The following DOCK4 variants were observed in gnomAD, a reference collection of about 807,000 sequenced individuals.
DOCK4 encodes the protein dedicator of cytokinesis protein 4.
A neutral mutation model predicts 268.1 loss-of-function variants in DOCK4; 97 were observed. That is an observed-to-expected ratio of 0.36 (90% CI 0.31 to 0.43). DOCK4 has a LOEUF of 0.43. DOCK4 is among the 20% of genes least tolerant of loss of function. DOCK4 has a pLI of 1.00. For synonymous variants in DOCK4, 954 were observed against 887.2 expected (o/e 1.08, Z -1.34); for missense variants, 2,145 against 2,455.7 (o/e 0.87, Z 2.67).
Position 112,091,440 on chromosome 7 carries a change from T to C in DOCK4, c.38-87309A>G, listed in dbSNP as rs375066713. 3.9e-5 allele frequency among the ~76,000 whole-genome samples: 6 copies of C among 152,264 alleles called. No individual in the cohort carries two copies. In the East Asian group the frequency reaches 1.2e-3, roughly 29 times the overall value. On this transcript the variant is annotated intron_variant, in intron 1 of 52. Coordinates refer to ENST00000428084, the MANE Select transcript of DOCK4 (RefSeq NM_001363540.2). ...GCCCTACCTGCACACCTAAGGTCTC[T>C]CTGAATTCTAGAAAGATGTACAATA... is the stretch of plus-strand genomic sequence containing the variant.
At chr7:112,023,718 AG>A (rs1350122237) in intron 1 of DOCK4, 2 of 436,344 alleles carry the variant, frequency 4.6e-6, no homozygotes, top group Non-Finnish European at 9.1e-6. Context: ...CATCCCTGAA[AG>A]GGGGTGCATA....
chr7:111,964,631 G>A (rs1481895548), intron 8 of DOCK4, among the ~76,000 whole-genome samples: 1 of 138,578 alleles, frequency 7.2e-6, no homozygotes, highest in Admixed American at 7.3e-5. Flanking sequence ...AAAACACTCT[G>A]CAGGATATTA....
chr7:111,932,334 G>C (rs1562903210), intron 12 of DOCK4, among the ~76,000 whole-genome samples: 1 of 152,150 alleles, frequency 6.6e-6, no homozygotes, highest in Non-Finnish European at 1.5e-5. Context: ...AGAAGGTCAG[G>C]ATTAGTTTGG....
chr7:111,791,275 A>T (rs1433489943), intron 30 of DOCK4, among the ~76,000 whole-genome samples: 1 of 134,544 alleles, frequency 7.4e-6, no homozygotes, highest in Non-Finnish European at 1.6e-5. Flanking sequence ...AATTTAAAAA[A>T]TACACACACA....
At chr7:111,942,142 G>A (rs1795262540) in intron 10 of DOCK4, among the ~76,000 whole-genome samples, 1 of 152,146 alleles carries the variant, frequency 6.6e-6, no homozygotes, top group Non-Finnish European at 1.5e-5. Flanking sequence ...GGGAGTGGGG[G>A]AAGGGAAAAG....
intron 5 of DOCK4, among the ~76,000 whole-genome samples, chr7:111,992,858 C>A (rs29474): frequency 0.43 from 65,679 of 151,960 alleles, 14,401 homozygotes; most frequent in African/African-American, 0.46. Flanking sequence ...AGTGCCATGC[C>A]CAATGTTACT....
At chr7:111,782,772 A>G in intron 35 of DOCK4, 92 bp downstream of exon 35, 2 of 1,265,238 alleles carry the variant, frequency 1.6e-6, no homozygotes, top group South Asian at 1.2e-5. Flanking sequence ...GAAACATCAC[A>G]TTGCAGATTA....
chr7:111,870,917 T>C (rs1806370359), intron 20 of DOCK4, among the ~76,000 whole-genome samples: 1 of 152,212 alleles, frequency 6.6e-6, no homozygotes, highest in East Asian at 1.9e-4. Context: ...ATTGTTAGGC[T>C]GAGTGGGCCG....
chr7:111,737,986 A>C (rs1324787759), intron 49 of DOCK4, among the ~76,000 whole-genome samples: 1 of 152,232 alleles, frequency 6.6e-6, no homozygotes, highest in East Asian at 1.9e-4. Flanking sequence ...AATGAAGCCA[A>C]ATCCCACTCT....
chr7:112,182,364 T>C (rs940543257), intron 1 of DOCK4, among the ~76,000 whole-genome samples: 1 of 152,354 alleles, frequency 6.6e-6, no homozygotes, highest in Admixed American at 6.5e-5. Context: ...GATGTAATAT[T>C]TTTTAAAAAA....
intron 1 of DOCK4, among the ~76,000 whole-genome samples, chr7:112,052,302 A>G (rs894776341): frequency 2.0e-5 from 3 of 152,176 alleles, no homozygotes; most frequent in Non-Finnish European, 4.4e-5. Context: ...ATATATATGT[A>G]GCTAGACACA....
chr7:112,002,520 G>A (rs1800508238), intron 2 of DOCK4, among the ~76,000 whole-genome samples: 1 of 152,064 alleles, frequency 6.6e-6, no homozygotes, highest in Non-Finnish European at 1.5e-5. Flanking sequence ...ATTTTTTAAG[G>A]TATCAATCAC....
chr7:111,972,492 A>AT (rs201185043), intron 8 of DOCK4, among the ~76,000 whole-genome samples: 12 of 150,414 alleles, frequency 8.0e-5, no homozygotes, highest in Admixed American at 2.0e-4. Context: ...TAAAGGAGGA[A>AT]TTTTTTTTTT....
chr7:111,848,557 T>C (rs1164335464), intron 23 of DOCK4, among the ~76,000 whole-genome samples: 1 of 152,180 alleles, frequency 6.6e-6, no homozygotes, highest in African/African-American at 2.4e-5. Flanking sequence ...TTTTTTAAAA[T>C]TTGTTTTGAG....
intron 15 of DOCK4, among the ~76,000 whole-genome samples, chr7:111,898,121 G>A (rs533753816): frequency 8.5e-5 from 13 of 152,098 alleles, no homozygotes; most frequent in African/African-American, 2.9e-4. Flanking sequence ...AAATCCTCTC[G>A]TGGTTCTTCT....
Position 111,728,027 on chromosome 7 carries a change from T to TATC in DOCK4, c.*244_*246dup, listed in dbSNP as rs1298548899. The TATC allele has an allele frequency of 5.1e-6, 2 of 389,960 alleles. No individual in the cohort carries two copies. The highest frequency in any genetic ancestry group is 3.7e-5 in the East Asian group (1 of 27,012). 24.2% of individuals were successfully genotyped at this position (389,960 alleles called of 1,614,324 possible). The stretch of plus-strand genomic sequence containing the variant: ...CATAAAAAGGTACAAAAGGAGTCTT[T>TATC]ATCACTATTTACCACTTCCAAATGA... On this transcript the variant is annotated 3_prime_UTR_variant, in exon 53 of 53. Transcript: ENST00000428084.
intron 8 of DOCK4, among the ~76,000 whole-genome samples, chr7:111,962,431 G>C (rs1375798249): frequency 6.6e-6 from 1 of 152,100 alleles, no homozygotes. Flanking sequence ...TATCAGACAA[G>C]TTAACAGCCT....
At chr7:111,869,525 C>T in intron 21 of DOCK4, 49 bp downstream of exon 21, 1 of 1,545,906 alleles carries the variant, frequency 6.5e-7, no homozygotes, top group East Asian at 2.3e-5. Flanking sequence ...TAAGCATCAG[C>T]ATGCAACAGC....
chr7:111,785,692 T>A (rs1745957885), intron 32 of DOCK4, among the ~76,000 whole-genome samples: 1 of 152,278 alleles, frequency 6.6e-6, no homozygotes, highest in East Asian at 1.9e-4. Context: ...AAAGAGAGGC[T>A]ATCATCAAGA....
Sources: allele counts gnomAD v4.1 joint callset (sites outside exome capture counted in the v4.1 genomes callset), GRCh38; gene constraint gnomAD v4.1.1; transcripts MANE v1.5; gene names NCBI Gene and HGNC (gene_info 2026-07-23, HGNC 2026-07-21).